Variants in METAP1 observed in about 807,000 individuals in gnomAD.
The protein encoded by METAP1 is methionyl aminopeptidase 1.
METAP1 carries 28 observed loss-of-function variants against 53.8 expected under a neutral mutation model. That is an observed-to-expected ratio of 0.52 (90% CI 0.39 to 0.71). METAP1 has a LOEUF of 0.71. Ranked by LOEUF, METAP1 falls within the 30% of genes least tolerant of loss-of-function variation. The probability of loss-of-function intolerance (pLI) is 0.00; values close to 1 mark genes in which losing one functional copy is unlikely to be tolerated. For missense variants in METAP1, 389 were observed against 479.8 expected (o/e 0.81, Z 1.77); for synonymous variants, 181 against 165.7 (o/e 1.09, Z -0.71).
Position 99,034,460 on chromosome 4 carries a change from G to C in METAP1, c.279+118G>C, listed in dbSNP as rs183544781. ...CAGGATTGTGTTTACAAAGGAACTCGAATTTTAGCTCTTGAGCTCTTACGG... is the reference window on the plus strand; with the variant it reads ...CAGGATTGTGTTTACAAAGGAACTCCAATTTTAGCTCTTGAGCTCTTACGG... On this transcript the variant is annotated intron_variant, in intron 3 of 10. Transcript: ENST00000296411. 465 of 666,910 alleles carry C rather than the reference G, an allele frequency of 7.0e-4. 1 individual carries two copies. The highest frequency in any genetic ancestry group is 9.8e-4 in the Non-Finnish European group (368 of 377,186). 41.3% of individuals were successfully genotyped at this position (666,910 alleles called of 1,614,324 possible). A position where few individuals can be genotyped will look rare whatever the true frequency, so the allele number is the denominator to read the frequency against.
intron 4 of METAP1, chr4:99,035,891 TG>T (rs2110350034): frequency 6.5e-6 from 1 of 154,904 alleles, no homozygotes; most frequent in Non-Finnish European, 1.4e-5. Context: ...ATGATGAGAA[TG>T]ATATGATGAT....
chr4:99,023,007 C>G (rs1487655609), intron 1 of METAP1: 17 of 1,460,910 alleles, frequency 1.2e-5, no homozygotes, highest in South Asian at 4.8e-5. Context: ...CTGGCACTAC[C>G]CGCTTCTTGC....
At chr4:99,025,153 C>G (rs1724471923) in intron 1 of METAP1, among the ~76,000 whole-genome samples, 1 of 152,216 alleles carries the variant, frequency 6.6e-6, no homozygotes, top group Admixed American at 6.5e-5. Context: ...GGCCACTGAC[C>G]AGTAGCAGTC....
intron 1 of METAP1, among the ~76,000 whole-genome samples, chr4:99,017,748 T>G (rs757325561): frequency 5.3e-5 from 8 of 152,258 alleles, no homozygotes; most frequent in Admixed American, 3.3e-4. Context: ...GTACTTACTG[T>G]TAAGTATCCC....
At chr4:99,056,169 A>G (rs940078662) in intron 9 of METAP1, among the ~76,000 whole-genome samples, 1 of 152,226 alleles carries the variant, frequency 6.6e-6, no homozygotes. Flanking sequence ...CATTCATAAC[A>G]AAGTTGCAGA....
At chr4:99,023,872 A>T in intron 1 of METAP1, 1 of 772,750 alleles carries the variant, frequency 1.3e-6, no homozygotes, top group Non-Finnish European at 1.6e-6. Flanking sequence ...CAGTAGAGAA[A>T]GAGTTACTTA....
chr4:99,051,535 G>T (rs1054820377), intron 9 of METAP1, among the ~76,000 whole-genome samples: 23 of 151,822 alleles, frequency 1.5e-4, no homozygotes, highest in Admixed American at 5.9e-4. Flanking sequence ...GGTACTTCAG[G>T]TGTGGGCCAC....
chr4:99,020,281 C>T (rs1015261904), intron 1 of METAP1, among the ~76,000 whole-genome samples: 2 of 152,166 alleles, frequency 1.3e-5, no homozygotes, highest in Admixed American at 1.3e-4. Context: ...TTCTTTAGAC[C>T]TCGGACTTCA....
chr4:99,022,822 G>A lies in METAP1; in HGVS notation c.115-6045G>A. ...GGAACTCCACCCATCCCTCTGTGTA[G>A]TCCTTGCTGTGGTACTGCTTTTTTC... is the stretch of plus-strand genomic sequence containing the variant. On this transcript the variant is annotated intron_variant, in intron 1 of 10. Coordinates refer to ENST00000296411, the MANE Select transcript of METAP1 (RefSeq NM_015143.3). 11 of 1,585,112 alleles carry A rather than the reference G, an allele frequency of 6.9e-6. 1 individual carries two copies. The South Asian group carries it at 1.2e-4, about 18-fold the overall frequency.
At chr4:99,017,859 A>G (rs959136755) in intron 1 of METAP1, among the ~76,000 whole-genome samples, 7 of 152,234 alleles carry the variant, frequency 4.6e-5, no homozygotes, top group Non-Finnish European at 1.0e-4. Flanking sequence ...AAGACTTTGG[A>G]CAGAAAGGCA....
rs913825091 is a variant in METAP1, at chr4:99,041,229, G to A, written c.516+103G>A. On this transcript the variant is annotated intron_variant, in intron 6 of 10. Coordinates refer to ENST00000296411, the MANE Select transcript of METAP1 (RefSeq NM_015143.3). The stretch of plus-strand genomic sequence containing the variant: ...AAGTTCTGAGTGTCTAAGGTAACTT[G>A]GGTAAACTCATTTGAAAGCAAATTT... The A allele has an allele frequency of 7.1e-6, 5 of 702,532 alleles. No individual in the cohort carries two copies. The South Asian group carries it at 1.3e-4, about 18-fold the overall frequency. The allele number at this position is 702,532 out of a possible 1,614,324, so 43.5% of individuals were successfully genotyped here.
intron 2 of METAP1, among the ~76,000 whole-genome samples, chr4:99,030,996 C>T (rs1318480649): frequency 1.3e-5 from 2 of 151,800 alleles, no homozygotes; most frequent in Admixed American, 1.3e-4. Context: ...ATAGAATTCA[C>T]CACTGAAACA....
chr4:99,023,855 G>A (rs1190629303), intron 1 of METAP1: 1 of 856,100 alleles, frequency 1.2e-6, no homozygotes, highest in African/African-American at 1.8e-5. Context: ...TCAAGACAAG[G>A]GAATTGCAGT....
intron 9 of METAP1, among the ~76,000 whole-genome samples, chr4:99,055,743 A>G (rs529173398): frequency 2.0e-5 from 3 of 152,320 alleles, no homozygotes; most frequent in East Asian, 1.9e-4. Context: ...TACATGGCCA[A>G]TGCTGCTGTT....
At chr4:99,024,376 T>A (rs1352878485) in intron 1 of METAP1, among the ~76,000 whole-genome samples, 1 of 152,200 alleles carries the variant, frequency 6.6e-6, no homozygotes, top group Non-Finnish European at 1.5e-5. Context: ...TAACTTGGTG[T>A]CTGAGGGGTT....
intron 4 of METAP1, chr4:99,037,684 C>G (rs1470652089): frequency 6.6e-6 from 1 of 151,806 alleles, no homozygotes; most frequent in East Asian, 1.9e-4. Context: ...AATCATGTAC[C>G]ACTGCCAAAC....
At chr4:98,996,382 G>A (rs1453997607) in intron 1 of METAP1, among the ~76,000 whole-genome samples, 1 of 152,260 alleles carries the variant, frequency 6.6e-6, no homozygotes, top group Non-Finnish European at 1.5e-5. Context: ...AGAGATGGGT[G>A]GCCCGAGGAC....
chr4:99,028,985 T>A, intron 2 of METAP1, 67 bp downstream of exon 2: 1 of 1,013,970 alleles, frequency 9.9e-7, no homozygotes, highest in South Asian at 1.6e-5. Context: ...AAAACAAGAA[T>A]TCTTCTAGTT....
At position 99,057,742 on chromosome 4, in the gene METAP1, T is replaced by A; in HGVS notation, c.932-11T>A. 1 of 1,572,638 alleles carries A rather than the reference T, an allele frequency of 6.4e-7. No homozygotes were observed. The highest frequency in any genetic ancestry group is 8.6e-7 in the Non-Finnish European group (1 of 1,158,010). On this transcript the variant is annotated splice_polypyrimidine_tract_variant and intron_variant, in intron 9 of 10. Coordinates refer to ENST00000296411, the MANE Select transcript of METAP1 (RefSeq NM_015143.3). ...TTTGCTACCTTTTGAGATTTTTTTC[T>A]TTGATTTCAGAAAATAAAGCAGTTG...
Sources: allele counts gnomAD v4.1 joint callset (sites outside exome capture counted in the v4.1 genomes callset), GRCh38; gene constraint gnomAD v4.1.1; transcripts MANE v1.5; gene names NCBI Gene and HGNC (gene_info 2026-07-23, HGNC 2026-07-21).